Variants in MARCHF6 observed in about 807,000 individuals in gnomAD.
MARCHF6 encodes the protein E3 ubiquitin-protein ligase MARCHF6.
Under a neutral mutation model 133.7 loss-of-function variants are expected in MARCHF6, and 31 were observed. The ratio of observed to expected loss-of-function variants is 0.23; its 90% CI spans 0.17 to 0.31. The LOEUF is 0.31. Ranked by LOEUF, MARCHF6 falls within the 10% of genes least tolerant of loss-of-function variation. MARCHF6 has a pLI of 1.00. For missense variants in MARCHF6, 723 were observed against 1,121.6 expected (o/e 0.64, Z 5.08); for synonymous variants, 395 against 402.5 (o/e 0.98, Z 0.22).
At chr5:10,368,746 A>C (rs1435146513) in intron 1 of MARCHF6, among the ~76,000 whole-genome samples, 1 of 151,784 alleles carries the variant, frequency 6.6e-6, no homozygotes, top group Non-Finnish European at 1.5e-5. Flanking sequence ...CGTTCTCGGT[A>C]ATTTTTAGTA....
chr5:10,426,738 AC>A (rs1352096812), intron 24 of MARCHF6, among the ~76,000 whole-genome samples: 3 of 152,218 alleles, frequency 2.0e-5, no homozygotes, highest in African/African-American at 7.2e-5. Flanking sequence ...TCTTTTCTCT[AC>A]CAGAAGATAA....
In MARCHF6 at chr5:10,370,092, A is replaced by ATTTT. The variant is rs762064486; in HGVS notation, c.20-7683_20-7680dup. Among the ~76,000 whole-genome samples, 128 of 64,958 alleles carry ATTTT rather than the reference A, an allele frequency of 2.0e-3. 30 individuals carry two copies. Among genetic ancestry groups the ATTTT allele is most frequent in the African/African-American group, 6.2e-3 (87 of 14,086 alleles). The allele number at this position is 64,958 out of a possible 152,430, so 42.6% of individuals were successfully genotyped here. On this transcript the variant is annotated intron_variant, in intron 1 of 25. Transcript: ENST00000274140. Reference sequence around the variant, plus strand: ...ATAGGTATGGGAGTATCTTACTGTGATTTTTTTTTTTTTTTTTTTTTTTTT... The same window carrying ATTTT: ...ATAGGTATGGGAGTATCTTACTGTGATTTTTTTTTTTTTTTTTTTTTTTTTTTTT...
At chr5:10,432,078 T>TA (rs1238366390) in intron 25 of MARCHF6, among the ~76,000 whole-genome samples, 5 of 152,198 alleles carry the variant, frequency 3.3e-5, no homozygotes, top group Admixed American at 6.5e-5. Context: ...AGCGTACTTT[T>TA]AAAAAAGTGA....
chr5:10,381,711 G>T, intron 3 of MARCHF6, 89 bp from the exon 4 acceptor site: 1 of 1,001,156 alleles, frequency 1.0e-6, no homozygotes, highest in Non-Finnish European at 1.4e-6. Context: ...GGCAAATATT[G>T]GAAGTTTAGT....
chr5:10,394,194 T>C lies in MARCHF6; in HGVS notation c.828+51T>C, dbSNP rs373373854. The C allele has an allele frequency of 3.6e-4, 443 of 1,245,058 alleles. 1 individual carries two copies. Among genetic ancestry groups the C allele is most frequent in the Non-Finnish European group, 4.6e-4 (412 of 891,572 alleles). The allele number at this position is 1,245,058 out of a possible 1,614,324, so 77.1% of individuals were successfully genotyped here. A position where few individuals can be genotyped will look rare whatever the true frequency, so the allele number is the denominator to read the frequency against. ...CTGGTGTTTTAATCCTAAAATATAT[T>C]TTAAACTTTGGTGTATTTAGATGTA... On this transcript the variant is annotated intron_variant, in intron 8 of 25. Transcript: ENST00000274140.
chr5:10,354,203 C>G (rs566239674), intron 1 of MARCHF6, among the ~76,000 whole-genome samples: 1 of 152,108 alleles, frequency 6.6e-6, no homozygotes, highest in Admixed American at 6.5e-5. Flanking sequence ...CCTCCCTTGT[C>G]CCCGCCGTCG....
intron 3 of MARCHF6, among the ~76,000 whole-genome samples, chr5:10,381,245 G>A (rs1198975659): frequency 6.6e-6 from 1 of 152,182 alleles, no homozygotes; most frequent in Admixed American, 6.5e-5. Context: ...AGAGTAGTGG[G>A]AAGATCTGAA....
rs200333958 is a variant in MARCHF6 at position 10,426,458 on chromosome 5, C to G, written c.2442C>G (p.Ile814Met). 5 of 1,614,060 alleles carry G rather than the reference C, an allele frequency of 3.1e-6. No homozygotes were observed. The highest frequency in any genetic ancestry group is 2.2e-5 in the South Asian group (2 of 91,080). ...TTCGTAAACTGGCAGCTCCCGTGAT[C>G]TCTGTGCTGTTGCTTTCCCTGTGTG... ...YIVRKLAAPV[I>M]SVLLLSLCVP... Residue 814 changes from isoleucine to methionine, a missense_variant, in exon 24 of 26, where the codon ATC becomes ATG. By Grantham distance (10) the Ile-to-Met change is conservative. Coordinates refer to ENST00000274140, the MANE Select transcript of MARCHF6 (RefSeq NM_005885.4).
At chr5:10,363,837 T>G (rs1256166489) in intron 1 of MARCHF6, among the ~76,000 whole-genome samples, 1 of 152,092 alleles carries the variant, frequency 6.6e-6, no homozygotes, top group Non-Finnish European at 1.5e-5. Flanking sequence ...TTAGGATAAG[T>G]GAAATAAGCC....
At chr5:10,377,590 A>T (rs1736868543) in intron 1 of MARCHF6, among the ~76,000 whole-genome samples, 1 of 152,202 alleles carries the variant, frequency 6.6e-6, no homozygotes, top group Non-Finnish European at 1.5e-5. Flanking sequence ...GAACAACTTA[A>T]CTTTTAATAC....
Position 10,356,524 on chromosome 5 carries a change from T to C in MARCHF6, c.19+2607T>C, listed in dbSNP as rs946497447. On this transcript the variant is annotated intron_variant, in intron 1 of 25. Transcript: ENST00000274140. ...GATTCTCCTGTCTCAGCCTCCTGAG[T>C]AGCTGGGATTACAGGAGCGCGCCAC... 4.0e-4 allele frequency among the ~76,000 whole-genome samples: 60 copies of C among 151,734 alleles called. 1 individual carries two copies. The highest frequency in any genetic ancestry group is 7.4e-5 in the Non-Finnish European group (5 of 67,944).
chr5:10,436,329 AATGAG>A lies in MARCHF6; in HGVS notation c.*2648_*2652del, dbSNP rs1245291248. Reference sequence around the variant, plus strand: ...AATTGTACTTTATCGTGTTGTTTTCAATGAGATAAGTATTTTCATAGGGAAAGCAT... The same window carrying A: ...AATTGTACTTTATCGTGTTGTTTTCAATAAGTATTTTCATAGGGAAAGCAT... On this transcript the variant is annotated 3_prime_UTR_variant, in exon 26 of 26. Coordinates refer to ENST00000274140, the MANE Select transcript of MARCHF6 (RefSeq NM_005885.4). The A allele has an allele frequency of 6.6e-6, 1 of 152,142 alleles. No homozygotes were observed. Among genetic ancestry groups the A allele is most frequent in the Non-Finnish European group, 1.5e-5 (1 of 68,026 alleles). The allele number at this position is 152,142 out of a possible 1,614,324, so 9.4% of individuals were successfully genotyped here. A position where few individuals can be genotyped will look rare whatever the true frequency, so the allele number is the denominator to read the frequency against.
chr5:10,411,135 A>G (rs532427609), intron 18 of MARCHF6, among the ~76,000 whole-genome samples, 198 bp from the exon 19 acceptor site: 1 of 152,216 alleles, frequency 6.6e-6, no homozygotes, highest in African/African-American at 2.4e-5. Context: ...GGGATATCCT[A>G]CAAGTTCATT....
Position 10,410,083 on chromosome 5 carries a change from T to G in MARCHF6, c.1554-56T>G, listed in dbSNP as rs1579598772. 10 of 1,571,450 alleles carry G rather than the reference T, an allele frequency of 6.4e-6. No individual in the cohort carries two copies. The East Asian group carries it at 2.2e-4, about 35-fold the overall frequency. ...CTTAAGAAGTTGCGTTGTAATCCCATTAAATAGTAGTCATATGCAAAATAC... is the reference window on the plus strand; with the variant it reads ...CTTAAGAAGTTGCGTTGTAATCCCAGTAAATAGTAGTCATATGCAAAATAC... On this transcript the variant is annotated intron_variant, in intron 17 of 25. Coordinates refer to ENST00000274140, the MANE Select transcript of MARCHF6 (RefSeq NM_005885.4).
At chr5:10,419,244 G>T (rs1340665349) in intron 22 of MARCHF6, among the ~76,000 whole-genome samples, 1 of 152,156 alleles carries the variant, frequency 6.6e-6, no homozygotes, top group Non-Finnish European at 1.5e-5. Flanking sequence ...TTCACTTTCA[G>T]TATAGTATTC....
Position 10,391,550 on chromosome 5 carries a change from A to C in MARCHF6, c.585A>C (p.Ala195=), listed in dbSNP as rs1001114215. ...AAGHHQNEAP[A]GGNGAENVAA... ...CTTTTCTGTGATTTTAGGCTCCAGC[A>C]GGAGGAAATGGTGCAGAAAATGTTG... Residue 195 remains alanine, a synonymous_variant, in exon 7 of 26, where the codon GCA becomes GCC. Coordinates refer to ENST00000274140, the MANE Select transcript of MARCHF6 (RefSeq NM_005885.4). 1 of 1,599,174 alleles carries C rather than the reference A, an allele frequency of 6.3e-7. No individual in the cohort carries two copies. The highest frequency in any genetic ancestry group is 8.5e-7 in the Non-Finnish European group (1 of 1,172,474).
chr5:10,407,983 G>A (rs1209687702), intron 17 of MARCHF6, among the ~76,000 whole-genome samples: 3 of 140,592 alleles, frequency 2.1e-5, no homozygotes, highest in Non-Finnish European at 4.5e-5. Flanking sequence ...AAAGCCATCC[G>A]GAAACCTCCC....
chr5:10,369,325 A>G (rs1051308847), intron 1 of MARCHF6, among the ~76,000 whole-genome samples: 24 of 152,206 alleles, frequency 1.6e-4, no homozygotes, highest in African/African-American at 5.8e-4. Flanking sequence ...ACCTGGTTGG[A>G]TGAAAAACGT....
intron 10 of MARCHF6, 58 bp downstream of exon 10, chr5:10,397,402 A>G (rs1738259358): frequency 6.4e-6 from 8 of 1,251,828 alleles, no homozygotes; most frequent in Admixed American, 4.7e-5. Flanking sequence ...TTAGTTTTGT[A>G]GGAGCCTTGT....
Sources: allele counts gnomAD v4.1 joint callset (sites outside exome capture counted in the v4.1 genomes callset), GRCh38; gene constraint gnomAD v4.1.1; transcripts MANE v1.5; gene names NCBI Gene and HGNC (gene_info 2026-07-23, HGNC 2026-07-21).